Variants in EFNA5 observed in about 807,000 individuals in gnomAD.
The protein encoded by EFNA5 is ephrin-A5.
In EFNA5, 5 loss-of-function variants were observed where a neutral mutation model predicts 22.9. The observed-to-expected ratio is 0.22, with a 90% CI of 0.11 to 0.46. The LOEUF is 0.46. Ranked by LOEUF, EFNA5 falls within the 20% of genes least tolerant of loss-of-function variation. EFNA5 has a pLI of 0.99. For missense variants in EFNA5, 237 were observed against 293.3 expected, an observed-to-expected ratio of 0.81 and a Z score of 1.40; for synonymous variants, 113 against 112.2, an observed-to-expected ratio of 1.01 and a Z score of -0.04.
chr5:107,660,306 A>ATATATATATATC, intron 1 of EFNA5, among the ~76,000 whole-genome samples: 3 of 96,824 alleles, frequency 3.1e-5, no homozygotes, highest in African/African-American at 4.1e-5. Flanking sequence ...ATATATATAT[A>ATATATATATATC]TATATATATT....
intron 2 of EFNA5, among the ~76,000 whole-genome samples, chr5:107,426,571 G>A (rs1276834630): frequency 6.6e-6 from 1 of 152,208 alleles, no homozygotes; most frequent in Non-Finnish European, 1.5e-5. Flanking sequence ...CAGGCATTCT[G>A]ATTAATACAG....
At chr5:107,397,989 G>A (rs1747974591) in intron 2 of EFNA5, among the ~76,000 whole-genome samples, 3 of 152,104 alleles carry the variant, frequency 2.0e-5, no homozygotes, top group Admixed American at 2.0e-4. Context: ...ACAGCAGCCA[G>A]GGTTTCCTTT....
intron 1 of EFNA5, among the ~76,000 whole-genome samples, chr5:107,431,499 G>C (rs1272205328): frequency 2.0e-5 from 3 of 152,088 alleles, no homozygotes; most frequent in East Asian, 1.9e-4. Flanking sequence ...CGATGCCACG[G>C]AATAGCCACT....
chr5:107,414,048 ACC>A (rs1580434963), intron 2 of EFNA5, among the ~76,000 whole-genome samples: 1 of 152,142 alleles, frequency 6.6e-6, no homozygotes, highest in African/African-American at 2.4e-5. Context: ...TTGAATTCAG[ACC>A]CATCCATTCC....
chr5:107,433,900 CAAAA>C (rs35303771), intron 1 of EFNA5, among the ~76,000 whole-genome samples: 1 of 130,622 alleles, frequency 7.7e-6, no homozygotes, highest in African/African-American at 2.8e-5. Flanking sequence ...GACCCTGTCT[CAAAA>C]AAAAAAAAAA....
intron 1 of EFNA5, among the ~76,000 whole-genome samples, chr5:107,554,675 C>T (rs1405477508): frequency 1.3e-5 from 2 of 152,074 alleles, no homozygotes; most frequent in African/African-American, 4.8e-5. Context: ...TTATTTAATC[C>T]TTTGATTATA....
At chr5:107,447,940 C>T (rs943005590) in intron 1 of EFNA5, among the ~76,000 whole-genome samples, 6 of 151,944 alleles carry the variant, frequency 3.9e-5, no homozygotes, top group East Asian at 1.9e-4. Flanking sequence ...TTCCGCCTCC[C>T]GGGTTCAAGC....
At chr5:107,458,030 C>T (rs573407630) in intron 1 of EFNA5, among the ~76,000 whole-genome samples, 1 of 152,278 alleles carries the variant, frequency 6.6e-6, no homozygotes, top group African/African-American at 2.4e-5. Context: ...TCTCCTCTTC[C>T]AAATCCCATG....
At chr5:107,615,147 TA>T (rs201929825) in intron 1 of EFNA5, among the ~76,000 whole-genome samples, 166 of 148,268 alleles carry the variant, frequency 1.1e-3, no homozygotes, top group African/African-American at 1.5e-3. Context: ...CTTCCACCTT[TA>T]AAAAAAAAAA....
chr5:107,377,131 ACACAATGAGTGG>A lies in EFNA5; in HGVS notation c.*4112_*4123del, dbSNP rs879685095. On this transcript the variant is annotated 3_prime_UTR_variant, in exon 5 of 5. Transcript: ENST00000333274. ...AGCTGGACTTCACACCCAGACGCAC[ACACAATGAGTGG>A]CTTCAATGGGGTGTCAAGAGTAAGC... is the stretch of plus-strand genomic sequence containing the variant. The A allele has an allele frequency of 9.2e-5, 14 of 152,224 alleles. No individual in the cohort carries two copies. The highest frequency in any genetic ancestry group is 1.6e-4 in the Non-Finnish European group (11 of 68,056). The allele number at this position is 152,224 out of a possible 1,614,324, so 9.4% of individuals were successfully genotyped here. A position where few individuals can be genotyped will look rare whatever the true frequency, so the allele number is the denominator to read the frequency against.
At chr5:107,581,904 T>C (rs184051478) in intron 1 of EFNA5, among the ~76,000 whole-genome samples, 39 of 152,316 alleles carry the variant, frequency 2.6e-4, no homozygotes, top group African/African-American at 8.9e-4. Context: ...ACGTTGCAGG[T>C]TCTTCTTATA....
chr5:107,411,150 G>T (rs1480976927), intron 2 of EFNA5, among the ~76,000 whole-genome samples: 2 of 152,108 alleles, frequency 1.3e-5, no homozygotes, highest in African/African-American at 4.8e-5. Context: ...AATATAAGTG[G>T]TAAATTGACC....
intron 1 of EFNA5, among the ~76,000 whole-genome samples, chr5:107,579,181 C>A (rs1748989268): frequency 6.6e-6 from 1 of 152,042 alleles, no homozygotes; most frequent in Non-Finnish European, 1.5e-5. Flanking sequence ...CATTATAGTG[C>A]AAAAAGCTTT....
rs140205862 is a variant in EFNA5 at position 107,588,965 on chromosome 5, C to T, written c.125+81524G>A. ...ACCACTCTGGCTTCTATAAAAGGTACCAAGGGTCCTCAACTTGCTCTAAAA... is the reference window on the plus strand; with the variant it reads ...ACCACTCTGGCTTCTATAAAAGGTATCAAGGGTCCTCAACTTGCTCTAAAA... On this transcript the variant is annotated intron_variant, in intron 1 of 4. Transcript: ENST00000333274. Among the ~76,000 whole-genome samples the T allele has an allele frequency of 4.1e-3, 627 of 152,208 alleles. 4 individuals are homozygous for T. The highest frequency in any genetic ancestry group is 0.014 in the African/African-American group (569 of 41,522).
chr5:107,522,023 G>C (rs976160061), intron 1 of EFNA5, among the ~76,000 whole-genome samples: 39 of 152,136 alleles, frequency 2.6e-4, no homozygotes, highest in African/African-American at 8.4e-4. Context: ...TACAAGAGTG[G>C]ACAAATCATC....
intron 1 of EFNA5, among the ~76,000 whole-genome samples, chr5:107,610,184 C>A (rs551580214): frequency 1.4e-4 from 21 of 152,352 alleles, no homozygotes; most frequent in African/African-American, 5.1e-4. Context: ...GCCAGAGCAG[C>A]CCTTCGAAGA....
At chr5:107,522,764 C>T (rs1337776425) in intron 1 of EFNA5, among the ~76,000 whole-genome samples, 1 of 152,094 alleles carries the variant, frequency 6.6e-6, no homozygotes, top group Non-Finnish European at 1.5e-5. Flanking sequence ...ACCCAAGCCA[C>T]TTGGGTAACT....
chr5:107,628,502 T>C (rs1470607327), intron 1 of EFNA5, among the ~76,000 whole-genome samples: 1 of 152,178 alleles, frequency 6.6e-6, no homozygotes, highest in Non-Finnish European at 1.5e-5. Context: ...TCACTAAGTA[T>C]ATAGAACATT....
At chr5:107,431,448 C>G (rs1331391548) in intron 1 of EFNA5, among the ~76,000 whole-genome samples, 2 of 152,146 alleles carry the variant, frequency 1.3e-5, no homozygotes, top group African/African-American at 4.8e-5. Flanking sequence ...TATTAGAGTG[C>G]TTATTATGTT....
Sources: gnomAD v4.1 joint callset for allele counts (sites outside exome capture counted in the v4.1 genomes callset) on GRCh38, gnomAD v4.1.1 for gene constraint, MANE v1.5 for transcripts, NCBI Gene and HGNC (gene_info 2026-07-23, HGNC 2026-07-21) for gene names.